FARP1: variants seen among roughly 807,000 people sequenced by gnomAD.
The protein encoded by FARP1 is FERM, ARHGEF and pleckstrin domain-containing protein 1.
FARP1 carries 52 observed loss-of-function variants against 128.8 expected under a neutral mutation model. That is an observed-to-expected ratio of 0.40 (90% CI 0.32 to 0.51). The LOEUF (loss-of-function observed/expected upper bound fraction) is 0.51. Ranked by LOEUF, FARP1 falls within the 20% of genes least tolerant of loss-of-function variation. FARP1 has a pLI of 0.45. For synonymous variants in FARP1, 580 were observed against 551.8 expected, an observed-to-expected ratio of 1.05 and a Z score of -0.72; for missense variants, 1,333 against 1,367.9, an observed-to-expected ratio of 0.97 and a Z score of 0.40.
At chr13:98,426,502 TA>T (rs1319793403) in intron 17 of FARP1, among the ~76,000 whole-genome samples, 1 of 151,810 alleles carries the variant, frequency 6.6e-6, no homozygotes, top group African/African-American at 2.4e-5. Context: ...AAATAAATAA[TA>T]AATAAGCAAA....
rs1889460087 is a variant in FARP1, at chr13:98,373,725, G to C, written c.399-4096G>C. ...ATACAATTGCTGCTGTGGTTTTTTAGTTCTTAATAATAAAATTTCCTAAAT... is the reference window on the plus strand; with the variant it reads ...ATACAATTGCTGCTGTGGTTTTTTACTTCTTAATAATAAAATTTCCTAAAT... On this transcript the variant is annotated intron_variant, in intron 5 of 26. Coordinates refer to ENST00000319562, the MANE Select transcript of FARP1 (RefSeq NM_005766.4). Among the ~76,000 whole-genome samples the C allele has an allele frequency of 2.0e-5, 3 of 152,054 alleles. 1 individual carries two copies. The South Asian group carries it at 6.2e-4, about 32-fold the overall frequency.
At chr13:98,421,025 G>A (rs773658079) in intron 16 of FARP1, among the ~76,000 whole-genome samples, 18 of 152,158 alleles carry the variant, frequency 1.2e-4, no homozygotes, top group Admixed American at 6.5e-4. Context: ...AGGATGGGAC[G>A]AGAAAGACAG....
rs148458568 is a variant in FARP1, at chr13:98,418,450, T to C, written c.1827-6122T>C. 1.3e-4 allele frequency among the ~76,000 whole-genome samples: 20 copies of C among 152,256 alleles called. No homozygotes were observed. The East Asian group carries it at 2.5e-3, about 19-fold the overall frequency. ...TCACCACACCTGGCTAATTTTTGTA[T>C]TTTTAGTAGAGAAGGGGTTTCGTCA... is the stretch of plus-strand genomic sequence containing the variant. On this transcript the variant is annotated intron_variant, in intron 16 of 26. Coordinates refer to ENST00000319562, the MANE Select transcript of FARP1 (RefSeq NM_005766.4).
At chr13:98,393,553 C>T in intron 11 of FARP1, 90 bp from the exon 12 acceptor site, 5 of 995,382 alleles carry the variant, frequency 5.0e-6, no homozygotes, top group Non-Finnish European at 6.3e-6. Context: ...ACTAATACGT[C>T]CAACAAAAGG....
chr13:98,243,010 A>G (rs1459513723), intron 2 of FARP1, among the ~76,000 whole-genome samples: 1 of 152,202 alleles, frequency 6.6e-6, no homozygotes, highest in African/African-American at 2.4e-5. Flanking sequence ...CCTACTGTTC[A>G]TTCTCCAGAC....
At position 98,176,652 on chromosome 13, in the gene FARP1, G is replaced by T. The variant is rs746114758; in HGVS notation, c.-24+33160G>T. The T allele has an allele frequency of 8.9e-5, 144 of 1,614,120 alleles. No individual in the cohort carries two copies. The highest frequency in any genetic ancestry group is 1.2e-4 in the Non-Finnish European group (140 of 1,180,048). ...AGCCAGTCTCCTTGTAGTCCTTGCA[G>T]ATGTCAGGCTGGTAATCCCAGCGCA... On this transcript the variant is annotated intron_variant, in intron 1 of 26. Transcript: ENST00000319562. The surrounding 1 kb of genome is among the most constrained non-coding windows in gnomAD (Gnocchi z 6.2).
At chr13:98,388,672 G>A (rs1446523893) in intron 9 of FARP1, among the ~76,000 whole-genome samples, 194 bp downstream of exon 9, 1 of 152,200 alleles carries the variant, frequency 6.6e-6, no homozygotes, top group African/African-American at 2.4e-5. Flanking sequence ...GGCTGTCATC[G>A]TTGGTAAACA....
chr13:98,415,718 A>C (rs577007530), intron 16 of FARP1, among the ~76,000 whole-genome samples: 1 of 152,398 alleles, frequency 6.6e-6, no homozygotes, highest in South Asian at 2.1e-4. Flanking sequence ...AAGATTATTA[A>C]GAAAGGATTC....
At chr13:98,424,487 G>C in intron 16 of FARP1, 85 bp from the exon 17 acceptor site, 3 of 847,026 alleles carry the variant, frequency 3.5e-6, no homozygotes, top group Non-Finnish European at 4.1e-6. Context: ...GATTGGAAAG[G>C]AAGCGGTAGG....
At chr13:98,370,356 A>T (rs1450652783) in intron 5 of FARP1, among the ~76,000 whole-genome samples, 1 of 151,794 alleles carries the variant, frequency 6.6e-6, no homozygotes, top group Non-Finnish European at 1.5e-5. Flanking sequence ...ATTGGCTGCC[A>T]TGTGGATGTT....
intron 1 of FARP1, among the ~76,000 whole-genome samples, chr13:98,197,335 G>A (rs1206848134): frequency 1.7e-4 from 26 of 151,964 alleles, no homozygotes; most frequent in African/African-American, 4.3e-4. Flanking sequence ...GCTTGGTGGC[G>A]CATGCCTGTA....
At chr13:98,375,722 G>A (rs1275924608) in intron 5 of FARP1, among the ~76,000 whole-genome samples, 4 of 152,044 alleles carry the variant, frequency 2.6e-5, no homozygotes, top group East Asian at 1.9e-4. Context: ...TCCACCTCCC[G>A]GATTCAAGTG....
intron 2 of FARP1, among the ~76,000 whole-genome samples, chr13:98,323,551 A>T (rs1887100885): frequency 6.6e-6 from 1 of 152,124 alleles, no homozygotes; most frequent in African/African-American, 2.4e-5. Context: ...CTCCTAACAC[A>T]TGAAAATATT....
chr13:98,291,125 A>G (rs1424146307), intron 2 of FARP1, among the ~76,000 whole-genome samples: 1 of 152,168 alleles, frequency 6.6e-6, no homozygotes, highest in Non-Finnish European at 1.5e-5. Context: ...CTAATAGCCT[A>G]CTGTTAATCA....
At chr13:98,192,388 A>G (rs1451478504) in intron 1 of FARP1, among the ~76,000 whole-genome samples, 1 of 151,684 alleles carries the variant, frequency 6.6e-6, no homozygotes, top group Non-Finnish European at 1.5e-5. Flanking sequence ...TGTAACATTG[A>G]CTGTTACTTT....
intron 5 of FARP1, among the ~76,000 whole-genome samples, chr13:98,376,368 T>C (rs1413534318): frequency 6.6e-6 from 1 of 152,202 alleles, no homozygotes; most frequent in African/African-American, 2.4e-5. Flanking sequence ...AGTGAGAATA[T>C]GTGAAGTTTG....
chr13:98,181,596 TATTA>T (rs1370828484), intron 1 of FARP1, among the ~76,000 whole-genome samples: 1 of 131,936 alleles, frequency 7.6e-6, no homozygotes, highest in Non-Finnish European at 1.6e-5. Context: ...TTAGAAATAA[TATTA>T]TTTATTTATT....
At chr13:98,189,793 T>C (rs1251394712) in intron 1 of FARP1, among the ~76,000 whole-genome samples, 1 of 152,246 alleles carries the variant, frequency 6.6e-6, no homozygotes, top group Non-Finnish European at 1.5e-5. Context: ...ATTTCAGTTA[T>C]AGATGGTGTA....
At position 98,231,598 on chromosome 13, in the gene FARP1, C is replaced by T. The variant is rs143586630; in HGVS notation, c.171+18185C>T. Among the ~76,000 whole-genome samples the T allele has an allele frequency of 8.1e-4, 123 of 152,000 alleles. 3 individuals carry two copies. The East Asian group carries it at 0.013, about 16-fold the overall frequency. On this transcript the variant is annotated intron_variant, in intron 2 of 26. Transcript: ENST00000319562. The stretch of plus-strand genomic sequence containing the variant: ...CATTACTGGTGCCTGCCGCCATGCC[C>T]GGCTAATTTTTTGTATTTTTAGTAG...
Sources: gnomAD v4.1 joint callset for allele counts (sites outside exome capture counted in the v4.1 genomes callset) on GRCh38, gnomAD v4.1.1 for gene constraint, Gnocchi (gnomAD v3.1) non-coding constraint, MANE v1.5 for transcripts, NCBI Gene and HGNC (gene_info 2026-07-23, HGNC 2026-07-21) for gene names.